The following ZFAT variants were observed in gnomAD, a reference collection of about 807,000 sequenced individuals.
ZFAT encodes zinc finger and AT-hook domain containing.
ZFAT carries 64 observed loss-of-function variants against 117.7 expected under a neutral mutation model. That is an observed-to-expected ratio of 0.54 (90% CI 0.44 to 0.67). The LOEUF (loss-of-function observed/expected upper bound fraction) is 0.67, where lower values mean the gene tolerates loss of function less well. ZFAT is among the 30% of genes least tolerant of loss of function. The pLI is 0.00. For missense variants in ZFAT, 1,433 were observed against 1,584.5 expected, an observed-to-expected ratio of 0.90 and a Z score of 1.62; for synonymous variants, 679 against 615.0, an observed-to-expected ratio of 1.10 and a Z score of -1.54.
Position 134,579,093 on chromosome 8 carries a change from C to T in ZFAT, c.2887+4739G>A, listed in dbSNP as rs114809874. ...TGGCAACCCCTGGGCCATAAGAGAC[C>T]GGGTCTAGGGACGAAGATTGGGAGC... On this transcript the variant is annotated intron_variant, in intron 10 of 15. Coordinates refer to ENST00000377838, the MANE Select transcript of ZFAT (RefSeq NM_020863.4). Among the ~76,000 whole-genome samples the T allele has an allele frequency of 2.4e-3, 364 of 152,256 alleles. 2 individuals carry two copies. The highest frequency in any genetic ancestry group is 0.014 in the Middle Eastern group (4 of 294).
chr8:134,601,125 T>C (rs917548009), intron 6 of ZFAT, among the ~76,000 whole-genome samples: 1 of 152,182 alleles, frequency 6.6e-6, no homozygotes, highest in African/African-American at 2.4e-5. Context: ...GCCACTTTCA[T>C]AACCTCTCTT....
chr8:134,751,680 G>T, the ZFAT span, among the ~76,000 whole-genome samples: 6 of 152,300 alleles, frequency 3.9e-5, no homozygotes, highest in Non-Finnish European at 8.8e-5. Context: ...AGCACCAGGT[G>T]GGGGAATGTG....
intron 9 of ZFAT, among the ~76,000 whole-genome samples, chr8:134,586,655 T>C (rs959251895): frequency 3.3e-5 from 5 of 152,256 alleles, no homozygotes; most frequent in Non-Finnish European, 7.3e-5. Flanking sequence ...GAGCCAACTG[T>C]GACCATCGGC....
chr8:134,691,449 C>A (rs1273025817), intron 1 of ZFAT, among the ~76,000 whole-genome samples: 2 of 152,226 alleles, frequency 1.3e-5, no homozygotes, highest in Admixed American at 6.5e-5. Flanking sequence ...ACACACATGT[C>A]CCCTAGGGGG....
the ZFAT span, chr8:134,794,286 T>C: frequency 6.6e-6 from 1 of 152,262 alleles, no homozygotes; most frequent in African/African-American, 2.4e-5. Flanking sequence ...CTGAAAAGAC[T>C]GAGAAACAAG....
chr8:134,779,949 T>C, the ZFAT span, among the ~76,000 whole-genome samples: 141 of 152,338 alleles, frequency 9.3e-4, 2 homozygotes, highest in Non-Finnish European at 2.2e-4. Flanking sequence ...GGAAAAGGTA[T>C]AGAATCCTGG....
At chr8:134,670,892 T>C (rs1047863550) in intron 1 of ZFAT, among the ~76,000 whole-genome samples, 11 of 152,010 alleles carry the variant, frequency 7.2e-5, no homozygotes, top group Admixed American at 7.2e-4. Flanking sequence ...AAGAATCAAA[T>C]AGACACAATA....
chr8:134,648,724 C>T (rs971700664), intron 2 of ZFAT, among the ~76,000 whole-genome samples: 4 of 152,062 alleles, frequency 2.6e-5, no homozygotes, highest in Admixed American at 2.6e-4. Flanking sequence ...GAAGAATTAA[C>T]ACCAATACTT....
intron 11 of ZFAT, among the ~76,000 whole-genome samples, chr8:134,556,438 C>T (rs1823629344): frequency 6.6e-6 from 1 of 151,842 alleles, no homozygotes; most frequent in Non-Finnish European, 1.5e-5. Flanking sequence ...TGAGAACAGT[C>T]CAAAACTGAT....
chr8:134,702,607 C>A lies in ZFAT; in HGVS notation c.19+10238G>T, dbSNP rs911151069. Among the ~76,000 whole-genome samples, 58 of 152,212 alleles carry A rather than the reference C, an allele frequency of 3.8e-4. 1 individual carries two copies. The highest frequency in any genetic ancestry group is 3.4e-3 in the Middle Eastern group (1 of 294). Reference sequence around the variant, plus strand: ...AGTAAAAAGTGCCTTTTGCCTTCTGCCATGATTGTAAGGCCTCCACAGCCA... The same window carrying A: ...AGTAAAAAGTGCCTTTTGCCTTCTGACATGATTGTAAGGCCTCCACAGCCA... On this transcript the variant is annotated intron_variant, in intron 1 of 15. Transcript: ENST00000377838.
the ZFAT span, among the ~76,000 whole-genome samples, chr8:134,832,307 A>T: frequency 2.0e-5 from 3 of 150,838 alleles, no homozygotes. Context: ...TCTGAGGGAG[A>T]GCGGCTGTGC....
chr8:134,801,865 A>C, the ZFAT span, among the ~76,000 whole-genome samples: 1 of 152,230 alleles, frequency 6.6e-6, no homozygotes, highest in Non-Finnish European at 1.5e-5. Context: ...AGAATGTAAG[A>C]TGAGCTCTGT....
chr8:134,649,067 A>T (rs976252007), intron 2 of ZFAT, among the ~76,000 whole-genome samples: 3 of 152,120 alleles, frequency 2.0e-5, no homozygotes, highest in Middle Eastern at 3.4e-3. Context: ...AAAACATCTG[A>T]CAAAATCCAA....
intron 3 of ZFAT, among the ~76,000 whole-genome samples, chr8:134,635,895 T>A (rs1157794811): frequency 2.6e-5 from 4 of 152,194 alleles, no homozygotes; most frequent in Non-Finnish European, 4.4e-5. Context: ...ACTCCGGGCC[T>A]ACAGCTCTCA....
intron 1 of ZFAT, among the ~76,000 whole-genome samples, chr8:134,668,816 G>A (rs1832396049): frequency 6.6e-6 from 1 of 152,168 alleles, no homozygotes; most frequent in African/African-American, 2.4e-5. Flanking sequence ...AGCTAAAGGA[G>A]GAAGTTCAAA....
chr8:134,712,894 C>T lies in ZFAT; in HGVS notation c.-31G>A. On this transcript the variant is annotated 5_prime_UTR_variant, in exon 1 of 16. Coordinates refer to ENST00000377838, the MANE Select transcript of ZFAT (RefSeq NM_020863.4). ...CGCCCCACCGCGGAGGAAAAAAAAGCCTCGGGCTCTTCCGGGCCCCCTCCC... is the reference window on the plus strand; with the variant it reads ...CGCCCCACCGCGGAGGAAAAAAAAGTCTCGGGCTCTTCCGGGCCCCCTCCC... 6.7e-7 allele frequency: 1 copy of T among 1,492,382 alleles called. No individual in the cohort carries two copies. Among genetic ancestry groups the T allele is most frequent in the Non-Finnish European group, 8.9e-7 (1 of 1,119,068 alleles). 92.4% of individuals were successfully genotyped at this position (1,492,382 alleles called of 1,614,324 possible).
chr8:134,495,364 G>A (rs1411790704), intron 15 of ZFAT, among the ~76,000 whole-genome samples: 2 of 152,048 alleles, frequency 1.3e-5, no homozygotes, highest in Non-Finnish European at 2.9e-5. Context: ...TCGCATTCAT[G>A]GGGCTCCACT....
chr8:134,501,398 G>C (rs568401632), intron 15 of ZFAT, among the ~76,000 whole-genome samples: 5 of 152,186 alleles, frequency 3.3e-5, no homozygotes, highest in Admixed American at 3.3e-4. Context: ...ATACAATGAA[G>C]AGTAACAGAA....
At chr8:134,697,180 T>C (rs1003333948) in intron 1 of ZFAT, among the ~76,000 whole-genome samples, 20 of 152,190 alleles carry the variant, frequency 1.3e-4, no homozygotes, top group African/African-American at 4.3e-4. Flanking sequence ...AGTGGCACGA[T>C]CTCGGCTTAC....
Sources: allele counts gnomAD v4.1 joint callset (sites outside exome capture counted in the v4.1 genomes callset), GRCh38; gene constraint gnomAD v4.1.1; transcripts MANE v1.5; gene names NCBI Gene and HGNC (gene_info 2026-07-23, HGNC 2026-07-21).